Variants in KIAA1217 observed in about 807,000 individuals in gnomAD.
The protein encoded by KIAA1217 is KIAA1217, also known as sickle tail protein homolog.
A neutral mutation model predicts 163.9 loss-of-function variants in KIAA1217; 88 were observed. The observed-to-expected ratio is 0.54, with a 90% CI of 0.45 to 0.64. The LOEUF is 0.64. Among genes scored for constraint, KIAA1217 ranks in the 30% least tolerant of loss-of-function variants. The pLI is 0.00. For synonymous variants in KIAA1217, 903 were observed against 923.1 expected (o/e 0.98, Z 0.39); for missense variants, 2,372 against 2,475.0 (o/e 0.96, Z 0.88).
intron 1 of KIAA1217, among the ~76,000 whole-genome samples, chr10:23,723,087 G>C (rs1225770332): frequency 1.3e-5 from 2 of 152,112 alleles, no homozygotes; most frequent in Non-Finnish European, 2.9e-5. Context: ...CCAGTCACTG[G>C]CCAGCAGAAA....
At chr10:24,155,379 A>C (rs143852088) in intron 2 of KIAA1217, among the ~76,000 whole-genome samples, 4 of 152,294 alleles carry the variant, frequency 2.6e-5, no homozygotes, top group African/African-American at 9.6e-5. Flanking sequence ...GTACTTAGAG[A>C]ACATCTAAGT....
intron 1 of KIAA1217, among the ~76,000 whole-genome samples, chr10:23,846,673 T>A (rs1201706264): frequency 6.6e-6 from 1 of 152,218 alleles, no homozygotes; most frequent in Non-Finnish European, 1.5e-5. Context: ...ATTCATGTCA[T>A]CTGCAAACAG....
chr10:24,476,742 G>T (rs1391688740), intron 6 of KIAA1217, among the ~76,000 whole-genome samples: 3 of 151,906 alleles, frequency 2.0e-5, no homozygotes, highest in Non-Finnish European at 4.4e-5. Flanking sequence ...ATCTCCAGAG[G>T]GTGGAATTGG....
At chr10:24,104,479 T>TA (rs199689037) in intron 2 of KIAA1217, among the ~76,000 whole-genome samples, 10 of 151,822 alleles carry the variant, frequency 6.6e-5, no homozygotes, top group African/African-American at 9.7e-5. Context: ...AGGGAGAAAG[T>TA]AAAAAAAAGA....
rs368611081 is a variant in KIAA1217, at chr10:24,533,065, C to A, written c.3247-5C>A. 2 of 1,603,336 alleles carry A rather than the reference C, an allele frequency of 1.2e-6. No individual in the cohort carries two copies. Among genetic ancestry groups the A allele is most frequent in the African/African-American group, 1.3e-5 (1 of 74,688 alleles). ...ACCACTATCTGTTGTTTCAATCTCC[C>A]ACAGGCAAGCAGTGAAGATGCTGGA... On this transcript the variant is annotated splice_polypyrimidine_tract_variant and splice_region_variant and intron_variant, in intron 15 of 20. Transcript: ENST00000376454.
chr10:24,312,633 A>AT (rs1237386839), intron 2 of KIAA1217, among the ~76,000 whole-genome samples: 1 of 151,528 alleles, frequency 6.6e-6, no homozygotes, highest in African/African-American at 2.4e-5. Context: ...CAAACAAAAA[A>AT]AAGGTGGGCA....
At chr10:24,158,613 C>T (rs147690258) in intron 2 of KIAA1217, 91 of 507,508 alleles carry the variant, frequency 1.8e-4, no homozygotes, top group African/African-American at 1.5e-3. Flanking sequence ...CTCCATCTTT[C>T]GCCTTTACAC....
chr10:23,737,019 C>CT (rs2130801143), intron 1 of KIAA1217, among the ~76,000 whole-genome samples: 1 of 152,214 alleles, frequency 6.6e-6, no homozygotes, highest in African/African-American at 2.4e-5. Flanking sequence ...AAATTAAAAT[C>CT]TTTACAAAAT....
At chr10:23,743,421 A>G (rs1424162699) in intron 1 of KIAA1217, among the ~76,000 whole-genome samples, 1 of 152,190 alleles carries the variant, frequency 6.6e-6, no homozygotes, top group East Asian at 1.9e-4. Context: ...CTGGCATTTA[A>G]ATGGATTTCA....
intron 14 of KIAA1217, among the ~76,000 whole-genome samples, chr10:24,530,951 T>C (rs925943203): frequency 5.9e-5 from 9 of 151,836 alleles, no homozygotes; most frequent in Non-Finnish European, 8.8e-5. Flanking sequence ...TCCCAGCACT[T>C]TGGGAGGCTG....
At chr10:24,460,589 G>A (rs1333660412) in intron 5 of KIAA1217, among the ~76,000 whole-genome samples, 1 of 152,138 alleles carries the variant, frequency 6.6e-6, no homozygotes, top group Non-Finnish European at 1.5e-5. Flanking sequence ...CACATGGGCT[G>A]ATGTTGTTTG....
chr10:23,920,364 G>A (rs1842808404), intron 1 of KIAA1217, among the ~76,000 whole-genome samples: 1 of 152,072 alleles, frequency 6.6e-6, no homozygotes, highest in Admixed American at 6.6e-5. Context: ...CTTTTGGTAA[G>A]GTCGCTGACT....
At position 24,448,056 on chromosome 10, in the gene KIAA1217, G is replaced by A. The variant is rs557671399; in HGVS notation, c.846+9577G>A. 5.9e-4 allele frequency among the ~76,000 whole-genome samples: 90 copies of A among 152,138 alleles called. 1 individual carries two copies. Among genetic ancestry groups the A allele is most frequent in the African/African-American group, 2.1e-3 (88 of 41,502 alleles). On this transcript the variant is annotated intron_variant, in intron 5 of 20. Transcript: ENST00000376454. ...GAGGCAGGAGAATCACTTGAACCCC[G>A]GAGGCAGAGATTGCAGTGAGCCAAG...
chr10:24,504,084 G>A (rs979863198), intron 9 of KIAA1217, among the ~76,000 whole-genome samples: 12 of 152,174 alleles, frequency 7.9e-5, no homozygotes, highest in Admixed American at 7.9e-4. Context: ...GCGTAGTTTG[G>A]TCCTCTGGCC....
At chr10:23,901,778 G>A (rs1315117163) in intron 1 of KIAA1217, among the ~76,000 whole-genome samples, 6 of 151,824 alleles carry the variant, frequency 4.0e-5, no homozygotes, top group African/African-American at 1.5e-4. Flanking sequence ...TGGTGTGGTG[G>A]TGCATGCCTG....
At chr10:23,837,373 T>C (rs1411856677) in intron 1 of KIAA1217, among the ~76,000 whole-genome samples, 4 of 152,158 alleles carry the variant, frequency 2.6e-5, no homozygotes, top group African/African-American at 9.7e-5. Flanking sequence ...CCCGGATGAC[T>C]TCAATGTCCA....
intron 1 of KIAA1217, among the ~76,000 whole-genome samples, chr10:23,866,475 G>A (rs984487643): frequency 2.0e-5 from 3 of 152,052 alleles, no homozygotes; most frequent in African/African-American, 4.8e-5. Context: ...TTTATTATAC[G>A]AAAGAGCAAG....
intron 1 of KIAA1217, among the ~76,000 whole-genome samples, chr10:23,957,405 C>T (rs527300214): frequency 2.0e-5 from 3 of 152,204 alleles, no homozygotes; most frequent in African/African-American, 7.2e-5. Context: ...AGGTTCTTAC[C>T]TTAAATATTA....
intron 17 of KIAA1217, among the ~76,000 whole-genome samples, chr10:24,542,256 GTAAAGTGACTTATC>G (rs1234316565): frequency 6.6e-6 from 1 of 152,198 alleles, no homozygotes; most frequent in Non-Finnish European, 1.5e-5. Flanking sequence ...GGCCAAAGAA[GTAAAGTGACTTATC>G]TAAAGTAACA....
Sources: gnomAD v4.1 joint callset for allele counts (sites outside exome capture counted in the v4.1 genomes callset) on GRCh38, gnomAD v4.1.1 for gene constraint, MANE v1.5 for transcripts, NCBI Gene and HGNC (gene_info 2026-07-23, HGNC 2026-07-21) for gene names.